TLL1: variants seen among roughly 807,000 people sequenced by gnomAD.
TLL1 encodes tolloid like 1, also known as tolloid-like protein 1.
TLL1 carries 49 observed loss-of-function variants against 128.2 expected under a neutral mutation model. The observed-to-expected ratio is 0.38, with a 90% confidence interval of 0.30 to 0.48. The LOEUF (loss-of-function observed/expected upper bound fraction) is 0.48, where lower values mean the gene tolerates loss of function less well. TLL1 is among the 20% of genes least tolerant of loss of function. TLL1 has a pLI of 0.96. For missense variants in TLL1, 1,123 were observed against 1,242.0 expected (o/e 0.90, Z 1.44); for synonymous variants, 454 against 418.8 (o/e 1.08, Z -1.03).
At chr4:166,068,605 C>T (rs1342314437) in intron 16 of TLL1, among the ~76,000 whole-genome samples, 1 of 151,770 alleles carries the variant, frequency 6.6e-6, no homozygotes, top group Non-Finnish European at 1.5e-5. Context: ...AGAAATTTGG[C>T]ATAGAAATCA....
Position 165,936,505 on chromosome 4 carries a change from T to G in TLL1, c.170-52876T>G, listed in dbSNP as rs146507214. 4.5e-3 allele frequency among the ~76,000 whole-genome samples: 685 copies of G among 152,112 alleles called. 7 individuals carry two copies. Among genetic ancestry groups the G allele is most frequent in the African/African-American group, 0.016 (648 of 41,512 alleles). On this transcript the variant is annotated intron_variant, in intron 1 of 20. Coordinates refer to ENST00000061240, the MANE Select transcript of TLL1 (RefSeq NM_012464.5). Reference sequence around the variant, plus strand: ...AGGATTACAGCTGCACCTGGACTATTTATATTTTTTAATTGTATTTGTTTG... The same window carrying G: ...AGGATTACAGCTGCACCTGGACTATGTATATTTTTTAATTGTATTTGTTTG...
intron 1 of TLL1, among the ~76,000 whole-genome samples, chr4:165,882,253 T>C (rs1201812102): frequency 1.3e-5 from 2 of 152,210 alleles, no homozygotes; most frequent in African/African-American, 4.8e-5. Context: ...ATATACCATA[T>C]GTAATATTTA....
chr4:165,961,301 C>G (rs754494737), intron 1 of TLL1, among the ~76,000 whole-genome samples: 2 of 152,116 alleles, frequency 1.3e-5, no homozygotes, highest in Non-Finnish European at 2.9e-5. Flanking sequence ...CTACAAAACA[C>G]AGTTGAAAGA....
At chr4:165,919,962 G>C (rs191392489) in intron 1 of TLL1, 1 of 384,812 alleles carries the variant, frequency 2.6e-6, no homozygotes, top group African/African-American at 2.1e-5. Flanking sequence ...CTAATTTGGG[G>C]GGCTAAATCC....
Position 165,995,086 on chromosome 4 carries a change from G to C in TLL1, c.540G>C (p.Gln180His). 6.2e-7 allele frequency: 1 copy of C among 1,613,666 alleles called. No individual in the cohort carries two copies. Among genetic ancestry groups the C allele is most frequent in the Non-Finnish European group, 8.5e-7 (1 of 1,179,856 alleles). ...GCAGCCAGAGAGCCATGTTCAAGCA[G>C]GCCATGAGGCACTGGGAAAAGCACA... The part of the protein sequence containing the change: ...FTGSQRAMFK[Q>H]AMRHWEKHTC... The change falls in exon 5 of 21, where the codon CAG becomes CAC. Residue 180 changes from glutamine to histidine, a missense_variant. By Grantham distance (24) the Gln-to-His change is conservative (BLOSUM62 0). Around this residue, in one of 3 missense-constraint regions of TLL1, gnomAD observed 480 missense variants for 542.4 expected, o/e 0.89. Transcript: ENST00000061240.
chr4:165,875,547 C>G (rs1055263060), intron 1 of TLL1, among the ~76,000 whole-genome samples: 8 of 151,932 alleles, frequency 5.3e-5, no homozygotes, highest in Middle Eastern at 3.4e-3. Context: ...ATAACTGTAT[C>G]TATTTTCCCA....
chr4:166,048,919 A>G (rs1739588148), intron 12 of TLL1, among the ~76,000 whole-genome samples: 2 of 152,198 alleles, frequency 1.3e-5, no homozygotes, highest in African/African-American at 4.8e-5. Context: ...CTATGTGCAT[A>G]AGTTTTTATC....
chr4:166,099,577 T>G, intron 20 of TLL1, 50 bp downstream of exon 20: 1 of 1,610,688 alleles, frequency 6.2e-7, no homozygotes, highest in Non-Finnish European at 8.5e-7. Context: ...AGATGCCTAT[T>G]GATTCATGAT....
chr4:165,992,338 A>C (rs1736682693), intron 2 of TLL1, among the ~76,000 whole-genome samples: 1 of 152,056 alleles, frequency 6.6e-6, no homozygotes, highest in Admixed American at 6.6e-5. Flanking sequence ...TTTGAAATTC[A>C]TGGAAGCTTT....
At chr4:166,067,274 C>T (rs1740615424) in intron 16 of TLL1, among the ~76,000 whole-genome samples, 1 of 151,632 alleles carries the variant, frequency 6.6e-6, no homozygotes, top group African/African-American at 2.4e-5. Flanking sequence ...AAGAAACATG[C>T]TACAAATACT....
At chr4:166,094,126 A>G (rs1741910000) in intron 19 of TLL1, among the ~76,000 whole-genome samples, 1 of 152,120 alleles carries the variant, frequency 6.6e-6, no homozygotes, top group Non-Finnish European at 1.5e-5. Context: ...TGCACTGGGC[A>G]TTTTAGGCAT....
chr4:166,077,979 G>A lies in TLL1; in HGVS notation c.2391G>A (p.Arg797=). Reference sequence around the variant, plus strand: ...ACTGGCCAGACAAGTACCCAAGCAGGAAAGAATGCACTTGGGAAATCAGCG... The same window carrying A: ...ACTGGCCAGACAAGTACCCAAGCAGAAAAGAATGCACTTGGGAAATCAGCG... ...SPNWPDKYPS[R]KECTWEISAT... is the part of the protein sequence containing the mutation. Residue 797 remains arginine, a synonymous_variant, in exon 18 of 21, where the codon AGG becomes AGA. Coordinates refer to ENST00000061240, the MANE Select transcript of TLL1 (RefSeq NM_012464.5). 1.2e-6 allele frequency: 2 copies of A among 1,613,704 alleles called. No homozygotes were observed. Among genetic ancestry groups the A allele is most frequent in the Non-Finnish European group, 1.7e-6 (2 of 1,179,780 alleles).
intron 20 of TLL1, 58 bp downstream of exon 20, chr4:166,099,585 G>A (rs1742196584): frequency 1.4e-6 from 2 of 1,478,934 alleles, no homozygotes; most frequent in African/African-American, 2.9e-5. Context: ...ATTGATTCAT[G>A]ATTGATATGT....
In TLL1 at chr4:165,951,587, C is replaced by T. The variant is rs1199949920; in HGVS notation, c.170-37794C>T. Among the ~76,000 whole-genome samples the T allele has an allele frequency of 7.0e-4, 106 of 152,198 alleles. 3 individuals are homozygous for T. The highest frequency in any genetic ancestry group is 6.9e-3 in the Admixed American group (106 of 15,266). ...AAAGAGTCTCAAGAGGACACCATGTCATGTTAAAAAGAAAGAGCTATATTA... is the reference window on the plus strand; with the variant it reads ...AAAGAGTCTCAAGAGGACACCATGTTATGTTAAAAAGAAAGAGCTATATTA... On this transcript the variant is annotated intron_variant, in intron 1 of 20. Transcript: ENST00000061240.
At chr4:165,936,252 C>T (rs1733759043) in intron 1 of TLL1, among the ~76,000 whole-genome samples, 1 of 138,686 alleles carries the variant, frequency 7.2e-6, no homozygotes, top group Non-Finnish European at 1.5e-5. Context: ...TGGAGTCACA[C>T]TCTGTTGTCC....
chr4:165,889,473 T>A (rs1467281156), intron 1 of TLL1, among the ~76,000 whole-genome samples: 3 of 152,236 alleles, frequency 2.0e-5, no homozygotes, highest in African/African-American at 7.2e-5. Context: ...TTGAAAAGAT[T>A]CAATTCAGAT....
chr4:165,886,438 A>G (rs1731165996), intron 1 of TLL1, among the ~76,000 whole-genome samples: 1 of 152,220 alleles, frequency 6.6e-6, no homozygotes, highest in East Asian at 1.9e-4. Flanking sequence ...GGGTACACAA[A>G]TAAGATGTGT....
intron 12 of TLL1, among the ~76,000 whole-genome samples, chr4:166,054,804 T>C (rs1739925784): frequency 6.6e-6 from 1 of 152,092 alleles, no homozygotes; most frequent in Non-Finnish European, 1.5e-5. Context: ...AGTTTAATTT[T>C]CTTTTAAAAG....
chr4:165,909,560 C>T (rs538063900), intron 1 of TLL1, among the ~76,000 whole-genome samples: 2 of 152,164 alleles, frequency 1.3e-5, no homozygotes, highest in South Asian at 2.1e-4. Flanking sequence ...GTAAGGAGCC[C>T]GATACTTATG....
Sources: gnomAD v4.1 joint callset for allele counts (sites outside exome capture counted in the v4.1 genomes callset) on GRCh38, gnomAD v4.1.1 for gene constraint, gnomAD v4.1.1 regional missense constraint, MANE v1.5 for transcripts, NCBI Gene and HGNC (gene_info 2026-07-23, HGNC 2026-07-21) for gene names.